OSBPL10: variants seen among roughly 807,000 people sequenced by gnomAD.
The protein encoded by OSBPL10 is oxysterol-binding protein-related protein 10.
A neutral mutation model predicts 81.7 loss-of-function variants in OSBPL10; 49 were observed. The ratio of observed to expected loss-of-function variants is 0.60; its 90% CI spans 0.48 to 0.76. OSBPL10 has a LOEUF of 0.76. OSBPL10 is among the 30% of genes least tolerant of loss of function. OSBPL10 has a pLI of 0.00. For missense variants in OSBPL10, 923 were observed against 987.8 expected (o/e 0.93, Z 0.88); for synonymous variants, 419 against 383.6 (o/e 1.09, Z -1.08).
chr3:31,665,486 C>T (rs1274985705), intron 10 of OSBPL10, among the ~76,000 whole-genome samples: 1 of 152,146 alleles, frequency 6.6e-6, no homozygotes, highest in East Asian at 1.9e-4. Context: ...TGAGTGCTGG[C>T]ATGGTCAGGC....
At chr3:31,697,563 TAAAA>T (rs1485179292) in intron 7 of OSBPL10, among the ~76,000 whole-genome samples, 2 of 151,824 alleles carry the variant, frequency 1.3e-5, no homozygotes, top group Admixed American at 1.3e-4. Flanking sequence ...AAACAAAAAA[TAAAA>T]AACAATAAAA....
intron 2 of OSBPL10, among the ~76,000 whole-genome samples, chr3:32,001,887 AT>A (rs1419161575): frequency 6.6e-6 from 1 of 152,230 alleles, no homozygotes; most frequent in African/African-American, 2.4e-5. Context: ...CTCTTGGACA[AT>A]TTTTTTCTGA....
chr3:31,674,850 C>T (rs1349431424), intron 8 of OSBPL10, among the ~76,000 whole-genome samples: 1 of 152,240 alleles, frequency 6.6e-6, no homozygotes, highest in Non-Finnish European at 1.5e-5. Context: ...GACTAGGACA[C>T]AACCCATCCT....
chr3:31,792,738 AGAGTGT>A (rs1388125303), intron 4 of OSBPL10, among the ~76,000 whole-genome samples: 31 of 104,892 alleles, frequency 3.0e-4, no homozygotes, highest in East Asian at 1.5e-3. Context: ...ATCCAGACAC[AGAGTGT>A]GTGTGTGTGT....
intron 8 of OSBPL10, among the ~76,000 whole-genome samples, chr3:31,677,792 A>G (rs1056810854): frequency 6.6e-6 from 1 of 152,050 alleles, no homozygotes; most frequent in African/African-American, 2.4e-5. Context: ...AACATAAGAC[A>G]GAGCAAAGGC....
At position 31,857,877 on chromosome 3, in the gene OSBPL10, AG is replaced by A. The variant is rs554017859; in HGVS notation, c.537+18555del. ...AAGAAGGAGGGAGAGGGAGAGGGAA[AG>A]GGGGGGAGAGAGAGAGAAAGAGAGA... On this transcript the variant is annotated intron_variant, in intron 3 of 11. Coordinates refer to ENST00000396556, the MANE Select transcript of OSBPL10 (RefSeq NM_017784.5). 8.0e-5 allele frequency among the ~76,000 whole-genome samples: 8 copies of A among 100,108 alleles called. No homozygotes were observed. In the East Asian group the frequency reaches 1.5e-3, roughly 19 times the overall value. 65.7% of individuals were successfully genotyped at this position (100,108 alleles called of 152,430 possible). A position where few individuals can be genotyped will look rare whatever the true frequency, so the allele number is the denominator to read the frequency against.
chr3:31,903,433 A>C (rs1455906215), intron 1 of OSBPL10, among the ~76,000 whole-genome samples: 1 of 151,672 alleles, frequency 6.6e-6, no homozygotes, highest in African/African-American at 2.4e-5. Context: ...GGCCCAAGCA[A>C]ACCTTCCACC....
Position 32,039,336 on chromosome 3 carries a change from A to T in OSBPL10, n.298+7155T>A, listed in dbSNP as rs573221907. Among the ~76,000 whole-genome samples the T allele has an allele frequency of 2.1e-3, 272 of 130,244 alleles. 1 individual carries two copies. Among genetic ancestry groups the T allele is most frequent in the Middle Eastern group, 7.2e-3 (2 of 276 alleles). 85.4% of individuals were successfully genotyped at this position (130,244 alleles called of 152,430 possible). A position where few individuals can be genotyped will look rare whatever the true frequency, so the allele number is the denominator to read the frequency against. On this transcript the variant is annotated intron_variant and non_coding_transcript_variant, in intron 2 of 3. Coordinates refer to the OSBPL10 transcript ENST00000479173. ...GCAAGACTCTGTTGCAAAAATAAATAAATAAATTAATTAATTAGTTAATTA... is the reference window on the plus strand; with the variant it reads ...GCAAGACTCTGTTGCAAAAATAAATTAATAAATTAATTAATTAGTTAATTA...
At chr3:32,015,902 A>G (rs903916216) in intron 2 of OSBPL10, among the ~76,000 whole-genome samples, 5 of 152,234 alleles carry the variant, frequency 3.3e-5, no homozygotes, top group Admixed American at 3.3e-4. Flanking sequence ...ATGAGATACC[A>G]TCTCACACAG....
intron 4 of OSBPL10, among the ~76,000 whole-genome samples, chr3:31,824,531 C>T (rs961460010): frequency 5.9e-5 from 9 of 152,088 alleles, no homozygotes; most frequent in Admixed American, 1.3e-4. Context: ...TGGAAACGAT[C>T]GCAAGGTTTG....
chr3:31,702,061 C>G (rs1373200792), intron 7 of OSBPL10, among the ~76,000 whole-genome samples: 1 of 152,100 alleles, frequency 6.6e-6, no homozygotes, highest in African/African-American at 2.4e-5. Flanking sequence ...GAAATAGTAC[C>G]TTGAATTTTC....
chr3:31,997,731 T>C (rs1311220149), intron 2 of OSBPL10, among the ~76,000 whole-genome samples: 1 of 152,188 alleles, frequency 6.6e-6, no homozygotes, highest in Non-Finnish European at 1.5e-5. Flanking sequence ...AGTTAGTGCC[T>C]CTTCCTTGTC....
intron 5 of OSBPL10, among the ~76,000 whole-genome samples, chr3:31,737,885 G>A (rs189345874): frequency 2.0e-4 from 31 of 152,020 alleles, no homozygotes; most frequent in African/African-American, 4.3e-4. Flanking sequence ...CCAGCTACTC[G>A]GGAGGCTGAG....
At chr3:31,695,247 A>G (rs1013523145) in intron 7 of OSBPL10, among the ~76,000 whole-genome samples, 14 of 152,174 alleles carry the variant, frequency 9.2e-5, no homozygotes, top group South Asian at 4.1e-4. Context: ...AGGTTTTTCT[A>G]TATCTGTAAC....
intron 5 of OSBPL10, among the ~76,000 whole-genome samples, chr3:31,737,823 C>A (rs1436343048): frequency 6.6e-6 from 1 of 151,978 alleles, no homozygotes; most frequent in Admixed American, 6.6e-5. Context: ...GAAACCCCGA[C>A]TCTACTAAAA....
chr3:31,815,847 T>C (rs552022649), intron 4 of OSBPL10, among the ~76,000 whole-genome samples: 6 of 152,280 alleles, frequency 3.9e-5, no homozygotes, highest in African/African-American at 1.4e-4. Context: ...ATATCCAAAA[T>C]ACAATATGTT....
intron 2 of OSBPL10, chr3:31,990,593 C>G: frequency 6.2e-7 from 1 of 1,614,032 alleles, no homozygotes; most frequent in East Asian, 2.2e-5. Context: ...GCAATTCATA[C>G]TGGAGAGAAA....
intron 1 of OSBPL10, among the ~76,000 whole-genome samples, chr3:31,917,169 C>T (rs1027915652): frequency 1.3e-5 from 2 of 152,256 alleles, no homozygotes; most frequent in Admixed American, 1.3e-4. Context: ...CCGGTGCCCA[C>T]ACTAGGCCCC....
At chr3:32,030,735 A>T (rs544035320) in intron 2 of OSBPL10, 35 of 672,514 alleles carry the variant, frequency 5.2e-5, no homozygotes, top group South Asian at 1.5e-4. Context: ...AATAAATAAA[A>T]AATTACTAAG....
Sources: gnomAD v4.1 joint callset for allele counts (sites outside exome capture counted in the v4.1 genomes callset) on GRCh38, gnomAD v4.1.1 for gene constraint, MANE v1.5 for transcripts, NCBI Gene and HGNC (gene_info 2026-07-23, HGNC 2026-07-21) for gene names.